Variants in EFHC1 observed in about 807,000 individuals in gnomAD.
EFHC1 encodes EF-hand domain containing 1.
EFHC1 carries 53 observed loss-of-function variants against 69.9 expected under a neutral mutation model. That is an observed-to-expected ratio of 0.76 (90% CI 0.61 to 0.95). The LOEUF (loss-of-function observed/expected upper bound fraction) is 0.95, where lower values mean the gene tolerates loss of function less well. Among genes scored for constraint, EFHC1 ranks in the 40% least tolerant of loss-of-function variants. EFHC1 has a pLI of 0.00. For synonymous variants in EFHC1, 256 were observed against 278.4 expected (o/e 0.92, Z 0.80); for missense variants, 739 against 798.7 (o/e 0.93, Z 0.90).
At chr6:52,465,176 G>GA (rs1158622298) in intron 6 of EFHC1, 61 bp downstream of exon 6, 216 of 1,410,248 alleles carry the variant, frequency 1.5e-4, no homozygotes, top group Non-Finnish European at 2.0e-4. Flanking sequence ...AGAAATTTAA[G>GA]AAAAAAAGAC....
At chr6:52,436,531 C>A (rs1166016401) in intron 2 of EFHC1, among the ~76,000 whole-genome samples, 1 of 152,160 alleles carries the variant, frequency 6.6e-6, no homozygotes, top group Non-Finnish European at 1.5e-5. Flanking sequence ...GAATCCCATT[C>A]TAATACTTTC....
rs772492219 is a variant in EFHC1 at position 52,438,295 on chromosome 6, A to G, written c.286-9A>G. 6.8e-6 allele frequency: 11 copies of G among 1,610,872 alleles called. No homozygotes were observed. In the South Asian group the frequency reaches 9.9e-5, roughly 15 times the overall value. On this transcript the variant is annotated splice_polypyrimidine_tract_variant and intron_variant, in intron 2 of 10. Transcript: ENST00000371068. ...AGTACACCATTTCTCCTTTCCTTGT[A>G]TGTTATAGGTACTGAAATTTGATGC...
intron 1 of EFHC1, chr6:52,421,031 T>C (rs1764179147): frequency 6.0e-6 from 6 of 1,007,448 alleles, no homozygotes; most frequent in Non-Finnish European, 7.1e-6. Flanking sequence ...TTTCCTGTTT[T>C]GTATGTATAT....
chr6:52,454,904 C>T (rs996893099), intron 5 of EFHC1, among the ~76,000 whole-genome samples: 1 of 151,998 alleles, frequency 6.6e-6, no homozygotes, highest in African/African-American at 2.4e-5. Flanking sequence ...CCAGCCTGGG[C>T]AACGTGATGA....
intron 9 of EFHC1, chr6:52,484,074 A>G (rs1765737504): frequency 6.6e-6 from 1 of 152,174 alleles, no homozygotes; most frequent in Non-Finnish European, 1.5e-5. Flanking sequence ...GCATGTTTGT[A>G]TGCTAATGGG....
chr6:52,489,800 A>C (rs1765858214), intron 9 of EFHC1, among the ~76,000 whole-genome samples: 1 of 152,250 alleles, frequency 6.6e-6, no homozygotes, highest in Non-Finnish European at 1.5e-5. Flanking sequence ...GGAAACATTA[A>C]TCTGCAACAG....
intron 2 of EFHC1, among the ~76,000 whole-genome samples, chr6:52,424,929 A>G (rs1013097155): frequency 1.3e-5 from 2 of 152,170 alleles, no homozygotes; most frequent in African/African-American, 4.8e-5. Context: ...CAGTTTTGAT[A>G]AGTTAGCTTT....
intron 2 of EFHC1, among the ~76,000 whole-genome samples, chr6:52,436,153 C>T (rs1193129114): frequency 6.6e-6 from 1 of 152,176 alleles, no homozygotes; most frequent in Admixed American, 6.5e-5. Context: ...CATGTCCCCC[C>T]TTTCAGTTCT....
chr6:52,448,836 G>C (rs1451001326), intron 3 of EFHC1, among the ~76,000 whole-genome samples: 1 of 152,098 alleles, frequency 6.6e-6, no homozygotes, highest in Non-Finnish European at 1.5e-5. Flanking sequence ...TGTGTATGTT[G>C]AACCAACTTT....
chr6:52,483,042 TA>T (rs1389234801), intron 9 of EFHC1: 2 of 392,920 alleles, frequency 5.1e-6, no homozygotes, highest in African/African-American at 4.1e-5. Context: ...GCGTGAACTA[TA>T]AAACAAATAT....
rs751733899 is a variant in EFHC1 at position 52,464,939 on chromosome 6, T to C, written c.961T>C (p.Leu321=). 4.3e-6 allele frequency: 7 copies of C among 1,614,040 alleles called. No homozygotes were observed. The highest frequency in any genetic ancestry group is 1.6e-4 in the Middle Eastern group (1 of 6,084). ...GCTAGAAATCTCTGACCAAGAAGTG[T>C]TGGAATGGTATACTGCTAAAGACTT... is the stretch of plus-strand genomic sequence containing the variant. The part of the protein sequence containing the change: ...CVLEISDQEV[L]EWYTAKDFIV... The change falls in exon 6 of 11, where the codon TTG becomes CTG. Residue 321 remains leucine, a synonymous_variant. Transcript: ENST00000371068.
At chr6:52,445,829 T>C (rs970505674) in intron 3 of EFHC1, among the ~76,000 whole-genome samples, 2 of 152,242 alleles carry the variant, frequency 1.3e-5, no homozygotes, top group Non-Finnish European at 2.9e-5. Context: ...CCAGTAGTCA[T>C]TCAGGAGCAG....
chr6:52,494,879 A>AT lies in EFHC1; in HGVS notation c.*2544dup, dbSNP rs1009934446. 1.1e-5 allele frequency: 5 copies of AT among 451,080 alleles called. No homozygotes were observed. Among genetic ancestry groups the AT allele is most frequent in the African/African-American group, 8.0e-5 (4 of 49,928 alleles). The allele number at this position is 451,080 out of a possible 1,614,324, so 27.9% of individuals were successfully genotyped here. ...ATGTTGCTGCAGAATACATGATTTC[A>AT]TTTTTTATGGCTGCGTAGTATTCCA... On this transcript the variant is annotated 3_prime_UTR_variant, in exon 11 of 11. Transcript: ENST00000371068.
intron 3 of EFHC1, among the ~76,000 whole-genome samples, chr6:52,452,233 A>T (rs1764930976): frequency 6.6e-6 from 1 of 152,232 alleles, no homozygotes; most frequent in Non-Finnish European, 1.5e-5. Flanking sequence ...AATACAGCTT[A>T]CATGCGCTCA....
intron 7 of EFHC1, among the ~76,000 whole-genome samples, chr6:52,476,710 A>G (rs111973181): frequency 0.018 from 2,797 of 152,302 alleles, 94 homozygotes; most frequent in African/African-American, 0.064. Flanking sequence ...ATTGATGAGT[A>G]GTCTTCAAAA....
At chr6:52,448,636 C>A (rs1764845259) in intron 3 of EFHC1, among the ~76,000 whole-genome samples, 1 of 152,218 alleles carries the variant, frequency 6.6e-6, no homozygotes, top group Non-Finnish European at 1.5e-5. Context: ...TTCTGCGTTG[C>A]TCATGCTGGG....
chr6:52,442,376 C>T (rs1290198207), intron 3 of EFHC1, among the ~76,000 whole-genome samples: 1 of 151,912 alleles, frequency 6.6e-6, no homozygotes. Context: ...ATACATGTGC[C>T]ATGTTGGTGT....
chr6:52,462,233 G>A (rs1376890925), intron 5 of EFHC1, among the ~76,000 whole-genome samples: 1 of 151,642 alleles, frequency 6.6e-6, no homozygotes, highest in Non-Finnish European at 1.5e-5. Flanking sequence ...AAAAAATATT[G>A]TCAGAAAATA....
chr6:52,436,307 C>G (rs1331798973), intron 2 of EFHC1, among the ~76,000 whole-genome samples: 1 of 152,128 alleles, frequency 6.6e-6, no homozygotes, highest in East Asian at 1.9e-4. Flanking sequence ...TCACATTTCT[C>G]CTATGCACTT....
Sources: gnomAD v4.1 joint callset for allele counts (sites outside exome capture counted in the v4.1 genomes callset) on GRCh38, gnomAD v4.1.1 for gene constraint, MANE v1.5 for transcripts, NCBI Gene and HGNC (gene_info 2026-07-23, HGNC 2026-07-21) for gene names.